The following DNAAF5 variants were observed in gnomAD, a reference collection of about 807,000 sequenced individuals.
DNAAF5 encodes the protein HEAT repeat containing 2.
DNAAF5 carries 64 observed loss-of-function variants against 75.8 expected under a neutral mutation model. The ratio of observed to expected loss-of-function variants is 0.84; its 90% CI spans 0.69 to 1.04. The LOEUF is 1.04. Ranked by LOEUF, DNAAF5 falls within the 50% of genes least tolerant of loss-of-function variation. The pLI, the probability that DNAAF5 is intolerant of heterozygous loss-of-function variation, is 0.00. For missense variants in DNAAF5, 1,269 were observed against 1,178.5 expected, an observed-to-expected ratio of 1.08 and a Z score of -1.12; for synonymous variants, 657 against 557.2, an observed-to-expected ratio of 1.18 and a Z score of -2.52.
intron 11 of DNAAF5, among the ~76,000 whole-genome samples, chr7:778,981 G>C (rs1205584699): frequency 6.6e-6 from 1 of 152,262 alleles, no homozygotes; most frequent in Non-Finnish European, 1.5e-5. Flanking sequence ...GCCTGTGTTT[G>C]GTGGCTGGAA....
rs148716462 is a variant in DNAAF5 at position 735,338 on chromosome 7, C to T, written c.781-5481C>T. Among the ~76,000 whole-genome samples the T allele has an allele frequency of 5.8e-3, 846 of 146,996 alleles. 12 individuals carry two copies. The highest frequency in any genetic ancestry group is 0.02 in the African/African-American group (796 of 39,514). On this transcript the variant is annotated intron_variant, in intron 2 of 12. Coordinates refer to ENST00000297440, the MANE Select transcript of DNAAF5 (RefSeq NM_017802.4). The stretch of plus-strand genomic sequence containing the variant: ...GTGTAGTTCATGGTGTAGCTGCTCA[C>T]GGTGTAGCTGCTCATGGTGTCGTTG...
chr7:759,316 C>T (rs1232878161), intron 6 of DNAAF5, among the ~76,000 whole-genome samples: 1 of 152,190 alleles, frequency 6.6e-6, no homozygotes, highest in Non-Finnish European at 1.5e-5. Context: ...CTGGCTTTAG[C>T]AGTAGGTACT....
intron 4 of DNAAF5, among the ~76,000 whole-genome samples, chr7:749,458 C>T (rs566926058): frequency 2.6e-5 from 4 of 152,284 alleles, no homozygotes; most frequent in Admixed American, 1.3e-4. Context: ...TGTGGATGAA[C>T]GCTGCCACGT....
intron 2 of DNAAF5, among the ~76,000 whole-genome samples, chr7:739,527 A>C (rs1260675983): frequency 6.6e-6 from 1 of 152,218 alleles, no homozygotes; most frequent in African/African-American, 2.4e-5. Flanking sequence ...GCCCTGTGTC[A>C]GTTAATGACC....
chr7:770,265 T>C (rs1329111200), intron 8 of DNAAF5, among the ~76,000 whole-genome samples: 1 of 151,890 alleles, frequency 6.6e-6, no homozygotes, highest in East Asian at 1.9e-4. Flanking sequence ...TAGGTTTTCA[T>C]ATGGAAAAAC....
At chr7:738,667 G>C (rs1257447257) in intron 2 of DNAAF5, among the ~76,000 whole-genome samples, 1 of 152,150 alleles carries the variant, frequency 6.6e-6, no homozygotes, top group Admixed American at 6.5e-5. Flanking sequence ...TAAAAGAAAA[G>C]GGATAATTCG....
intron 6 of DNAAF5, among the ~76,000 whole-genome samples, chr7:760,843 G>A (rs1364782928): frequency 6.6e-6 from 1 of 152,156 alleles, no homozygotes; most frequent in South Asian, 2.1e-4. Flanking sequence ...CCACCTCCCC[G>A]TCAATCAGTA....
chr7:761,738 G>A lies in DNAAF5; in HGVS notation c.1471-15G>A. ...AATTGTACCAAGCTCTGACGGTGCT[G>A]CCGGTCTCTTCCAGGACCTCTACCT... On this transcript the variant is annotated splice_polypyrimidine_tract_variant and intron_variant, in intron 6 of 12. Transcript: ENST00000297440. 1 of 1,590,610 alleles carries A rather than the reference G, an allele frequency of 6.3e-7. No individual in the cohort carries two copies.
intron 2 of DNAAF5, among the ~76,000 whole-genome samples, chr7:730,441 GAGTT>G (rs749620607): frequency 6.6e-6 from 1 of 152,226 alleles, no homozygotes. Context: ...TTCTGTCTCT[GAGTT>G]ACCTGTCATC....
chr7:774,102 G>C lies in DNAAF5; in HGVS notation c.1986G>C (p.Leu662=). 6.2e-7 allele frequency: 1 copy of C among 1,613,740 alleles called. No homozygotes were observed. The highest frequency in any genetic ancestry group is 8.5e-7 in the Non-Finnish European group (1 of 1,180,010). Residue 662 remains leucine, a synonymous_variant, in exon 10 of 13, where the codon CTG becomes CTC. Transcript: ENST00000297440. The stretch of plus-strand genomic sequence containing the variant: ...CAAAGGACATCCTGGCCCCCAATCT[G>C]CAGTGGCATGCGGGGAGGACAGCCG... ...TVTKDILAPN[L]QWHAGRTAAA... is the part of the protein sequence containing the mutation.
At chr7:745,605 A>C (rs112549246) in intron 4 of DNAAF5, among the ~76,000 whole-genome samples, 40 of 152,272 alleles carry the variant, frequency 2.6e-4, no homozygotes, top group African/African-American at 7.9e-4. Flanking sequence ...ACGTATACAC[A>C]TACACACCTG....
intron 4 of DNAAF5, among the ~76,000 whole-genome samples, chr7:745,714 TCA>T (rs772915155): frequency 2.2e-4 from 34 of 152,320 alleles, no homozygotes; most frequent in South Asian, 1.2e-3. Flanking sequence ...TACATGCATA[TCA>T]CACGTACGTG....
At chr7:759,098 G>A (rs1782569711) in intron 6 of DNAAF5, among the ~76,000 whole-genome samples, 2 of 152,218 alleles carry the variant, frequency 1.3e-5, no homozygotes, top group South Asian at 2.1e-4. Flanking sequence ...TGCTCTTCCC[G>A]CGGCCGGCCG....
At chr7:734,121 G>C (rs1781663898) in intron 2 of DNAAF5, among the ~76,000 whole-genome samples, 4 of 152,022 alleles carry the variant, frequency 2.6e-5, no homozygotes. Flanking sequence ...GTTCTAGCTA[G>C]AGCTTCCAGT....
intron 12 of DNAAF5, among the ~76,000 whole-genome samples, chr7:782,839 G>A (rs1311371780): frequency 6.7e-6 from 1 of 149,892 alleles, no homozygotes; most frequent in South Asian, 2.1e-4. Flanking sequence ...CCATCCGGCG[G>A]CATCAGAAAC....
At chr7:735,426 G>A (rs540591764) in intron 2 of DNAAF5, among the ~76,000 whole-genome samples, 1 of 151,764 alleles carries the variant, frequency 6.6e-6, no homozygotes, top group Non-Finnish European at 1.5e-5. Context: ...TGCTTACAAC[G>A]TCGCTGCTCA....
intron 4 of DNAAF5, among the ~76,000 whole-genome samples, chr7:746,178 CTGGCCCTGTAT>C (rs1782096315): frequency 2.0e-5 from 3 of 152,194 alleles, no homozygotes. Flanking sequence ...GAAGTTTGCA[CTGGCCCTGTAT>C]TGCCAAGCAC....
At chr7:749,140 A>C (rs1782211767) in intron 4 of DNAAF5, among the ~76,000 whole-genome samples, 1 of 152,196 alleles carries the variant, frequency 6.6e-6, no homozygotes, top group Non-Finnish European at 1.5e-5. Flanking sequence ...TTGGGAGGGC[A>C]CCACTTACCG....
At chr7:748,583 C>T (rs1444509991) in intron 4 of DNAAF5, among the ~76,000 whole-genome samples, 1 of 152,194 alleles carries the variant, frequency 6.6e-6, no homozygotes, top group African/African-American at 2.4e-5. Flanking sequence ...CTCCTCTCCT[C>T]AGAGCTCCGG....
Sources: allele counts gnomAD v4.1 joint callset (sites outside exome capture counted in the v4.1 genomes callset), GRCh38; gene constraint gnomAD v4.1.1; transcripts MANE v1.5; gene names NCBI Gene and HGNC (gene_info 2026-07-23, HGNC 2026-07-21).